Variants in DNAJC2 observed in about 807,000 individuals in gnomAD.
DNAJC2 encodes the protein dnaJ homolog subfamily C member 2.
In DNAJC2, 32 loss-of-function variants were observed where a neutral mutation model predicts 94.0. That is an observed-to-expected ratio of 0.34 (90% CI 0.26 to 0.46). DNAJC2 has a LOEUF of 0.46. Among genes scored for constraint, DNAJC2 ranks in the 20% least tolerant of loss-of-function variants. The pLI, the probability that DNAJC2 is intolerant of heterozygous loss-of-function variation, is 1.00. For missense variants in DNAJC2, 550 were observed against 719.5 expected, an observed-to-expected ratio of 0.76 and a Z score of 2.69; for synonymous variants, 210 against 229.7, an observed-to-expected ratio of 0.91 and a Z score of 0.77.
intron 3 of DNAJC2, chr7:103,329,049 C>CT: frequency 8.4e-7 from 1 of 1,192,464 alleles, no homozygotes; most frequent in African/African-American, 1.6e-5. Flanking sequence ...CACAGTACGT[C>CT]TAATTATTTA....
chr7:103,315,881 GAAA>G lies in DNAJC2; in HGVS notation c.1529-13_1529-11del, dbSNP rs747596611. On this transcript the variant is annotated splice_polypyrimidine_tract_variant and intron_variant, in intron 14 of 16. Coordinates refer to ENST00000379263, the MANE Select transcript of DNAJC2 (RefSeq NM_014377.3). ...TCTTTTTGATGAGGGTCTGAGAAATGAAAAAAATTTAATACTTAACAGATCATC... is the reference window on the plus strand; with the variant it reads ...TCTTTTTGATGAGGGTCTGAGAAATGAAAATTTAATACTTAACAGATCATC... 6.3e-7 allele frequency: 1 copy of G among 1,591,978 alleles called. No individual in the cohort carries two copies. Among genetic ancestry groups the G allele is most frequent in the Non-Finnish European group, 8.6e-7 (1 of 1,165,200 alleles).
chr7:103,322,579 C>T lies in DNAJC2; in HGVS notation c.865G>A (p.Ala289Thr). ...GCTTTCTTTTCTGCTTCTTTCTTGG[C>T]TTTTTCTTCTTCCTTGAACTTTTTT... ...RIKKFKEEEK[A>T]KKEAEKKAKA... is the part of the protein sequence containing the mutation. Residue 289 changes from alanine to threonine, a missense_variant, in exon 9 of 17, where the codon GCC (alanine) becomes ACC (threonine). Transcript: ENST00000379263. 2 of 1,606,974 alleles carry T rather than the reference C, an allele frequency of 1.2e-6. No homozygotes were observed. The highest frequency in any genetic ancestry group is 1.7e-4 in the Middle Eastern group (1 of 6,046).
intron 1 of DNAJC2, among the ~76,000 whole-genome samples, chr7:103,342,929 G>C (rs535317565): frequency 1.3e-5 from 2 of 150,994 alleles, no homozygotes; most frequent in Non-Finnish European, 3.0e-5. Context: ...TTTTAATAAA[G>C]TAATAAATAG....
In DNAJC2 at chr7:103,315,805, A is replaced by G. The variant is rs372607095; in HGVS notation, c.1595T>C (p.Val532Ala). 1.9e-6 allele frequency: 3 copies of G among 1,613,886 alleles called. No individual in the cohort carries two copies. In the African/African-American group the frequency reaches 4.0e-5, roughly 22 times the overall value. Residue 532 changes from valine to alanine, a missense_variant, in exon 15 of 17, where the codon GTA becomes GCA. This residue lies in a region of DNAJC2 where 271 missense variants were observed against 302.6 expected (regional missense o/e 0.90). Coordinates refer to ENST00000379263, the MANE Select transcript of DNAJC2 (RefSeq NM_014377.3). ...AGGCGTTGCGTTGTCTGCTTGAGGT[A>G]CCACTCCATGTTCTTTTTTGAACTT... Reference protein sequence around the residue: ...FDKFKKEHGVVPQADNATPSE... With the variant: ...FDKFKKEHGVAPQADNATPSE...
chr7:103,327,114 T>G (rs1818747883), intron 4 of DNAJC2, among the ~76,000 whole-genome samples: 1 of 152,188 alleles, frequency 6.6e-6, no homozygotes. Flanking sequence ...AAATCACATT[T>G]AAGGAAACAT....
At chr7:103,328,355 G>A (rs1038873505) in intron 3 of DNAJC2, among the ~76,000 whole-genome samples, 1 of 152,040 alleles carries the variant, frequency 6.6e-6, no homozygotes, top group Non-Finnish European at 1.5e-5. Flanking sequence ...TGTAGGCTGG[G>A]CATGGTGGCT....
At chr7:103,338,132 T>G (rs1443483805) in intron 2 of DNAJC2, among the ~76,000 whole-genome samples, 1 of 152,040 alleles carries the variant, frequency 6.6e-6, no homozygotes, top group African/African-American at 2.4e-5. Context: ...TAGCTGGGTG[T>G]GGTGGTGTGC....
rs753838848 is a variant in DNAJC2, at chr7:103,323,670, T to TAG, written c.654-9_654-8dup. ...CCAAGAATCAAAATTATACCTAATA[T>TAG]AGACAGAAATAATACATGATCAAGA... On this transcript the variant is annotated splice_region_variant and splice_polypyrimidine_tract_variant and intron_variant, in intron 6 of 16. Coordinates refer to ENST00000379263, the MANE Select transcript of DNAJC2 (RefSeq NM_014377.3). The TAG allele has an allele frequency of 1.4e-6, 2 of 1,399,942 alleles. No individual in the cohort carries two copies. The highest frequency in any genetic ancestry group is 1.9e-6 in the Non-Finnish European group (2 of 1,034,126). The allele number at this position is 1,399,942 out of a possible 1,614,324, so 86.7% of individuals were successfully genotyped here.
At chr7:103,315,678 T>C in intron 15 of DNAJC2, 86 bp downstream of exon 15, 1 of 841,502 alleles carries the variant, frequency 1.2e-6, no homozygotes, top group Non-Finnish European at 1.9e-6. Flanking sequence ...TTCCCTATCA[T>C]TCTGAACATA....
chr7:103,327,082 C>G (rs994081756), intron 4 of DNAJC2, among the ~76,000 whole-genome samples: 1 of 152,060 alleles, frequency 6.6e-6, no homozygotes, highest in African/African-American at 2.4e-5. Flanking sequence ...TACAACTGTT[C>G]AAAAATTAGC....
intron 3 of DNAJC2, among the ~76,000 whole-genome samples, chr7:103,330,698 C>G (rs1325740401): frequency 1.3e-5 from 2 of 151,720 alleles, no homozygotes; most frequent in Non-Finnish European, 2.9e-5. Context: ...GATCTGCCCA[C>G]CTCAGCCTCC....
chr7:103,320,214 G>A (rs1563459293), intron 10 of DNAJC2, among the ~76,000 whole-genome samples: 1 of 151,876 alleles, frequency 6.6e-6, no homozygotes, highest in Non-Finnish European at 1.5e-5. Flanking sequence ...TCAGTCTCCT[G>A]AGTAGCTGGA....
Position 103,344,697 on chromosome 7 carries a change from T to G in DNAJC2, c.-75A>C. On this transcript the variant is annotated 5_prime_UTR_variant, in exon 1 of 17. Transcript: ENST00000379263. ...GAGGGCGCTTAGGGTCCCCTCCAGC[T>G]CTACCTCTCACTCCGAGCCTCGCGC... The G allele has an allele frequency of 6.7e-7, 1 of 1,490,588 alleles. No individual in the cohort carries two copies. Among genetic ancestry groups the G allele is most frequent in the Non-Finnish European group, 9.2e-7 (1 of 1,083,540 alleles). The allele number at this position is 1,490,588 out of a possible 1,614,324, so 92.3% of individuals were successfully genotyped here. A position where few individuals can be genotyped will look rare whatever the true frequency, so the allele number is the denominator to read the frequency against.
intron 1 of DNAJC2, among the ~76,000 whole-genome samples, chr7:103,342,230 T>TG (rs1048848826): frequency 5.3e-5 from 8 of 152,134 alleles, no homozygotes; most frequent in African/African-American, 1.7e-4. Context: ...AGTACTTTTT[T>TG]GGGGATATGA....
chr7:103,333,475 T>C (rs987800688), intron 3 of DNAJC2, among the ~76,000 whole-genome samples: 1 of 152,220 alleles, frequency 6.6e-6, no homozygotes, highest in Admixed American at 6.5e-5. Flanking sequence ...GTATTTTTGG[T>C]TTGTTTAATC....
At chr7:103,327,559 A>G (rs904505612) in intron 4 of DNAJC2, 97 bp downstream of exon 4, 3 of 790,546 alleles carry the variant, frequency 3.8e-6, no homozygotes, top group Non-Finnish European at 6.1e-6. Context: ...GTCAAAGGAT[A>G]GTTGAATGAA....
intron 3 of DNAJC2, chr7:103,329,068 G>A (rs1454864871): frequency 1.9e-6 from 2 of 1,054,082 alleles, no homozygotes; most frequent in East Asian, 1.3e-4. Context: ...TAAAATTTGT[G>A]ATTATCGCTG....
In DNAJC2 at chr7:103,312,853, A is replaced by G. The variant is rs1473866192; in HGVS notation, c.1791+94T>C. ...AACTACTGGTTTTGAAATAAGCACTATATTATTAACCACTTAATAGACATA... is the reference window on the plus strand; with the variant it reads ...AACTACTGGTTTTGAAATAAGCACTGTATTATTAACCACTTAATAGACATA... On this transcript the variant is annotated intron_variant, in intron 16 of 16. Coordinates refer to ENST00000379263, the MANE Select transcript of DNAJC2 (RefSeq NM_014377.3). 7 of 1,534,580 alleles carry G rather than the reference A, an allele frequency of 4.6e-6. No individual in the cohort carries two copies. The Admixed American group carries it at 1.3e-4, about 29-fold the overall frequency.
intron 3 of DNAJC2, among the ~76,000 whole-genome samples, chr7:103,331,769 T>A (rs952566781): frequency 6.6e-6 from 1 of 151,970 alleles, no homozygotes; most frequent in Non-Finnish European, 1.5e-5. Flanking sequence ...GACACTTAGG[T>A]TGATTCCTTA....
Sources: allele counts gnomAD v4.1 joint callset (sites outside exome capture counted in the v4.1 genomes callset), GRCh38; gene constraint gnomAD v4.1.1; regional missense constraint gnomAD v4.1.1; transcripts MANE v1.5; gene names NCBI Gene and HGNC (gene_info 2026-07-23, HGNC 2026-07-21).